MYMX: variants seen among roughly 807,000 people sequenced by gnomAD.
MYMX encodes protein myomixer.
At chr6:44,217,119 G>A (rs1775918134) in intron 1 of MYMX, 151 bp downstream of exon 1, 1 of 237,328 alleles carries the variant, frequency 4.2e-6, no homozygotes, top group Non-Finnish European at 8.1e-6. Flanking sequence ...GAACTCCAGG[G>A]GCATTGAGGC....
the MYMX span, among the ~76,000 whole-genome samples, chr6:44,206,583 C>T: frequency 6.6e-6 from 1 of 152,170 alleles, no homozygotes; most frequent in Non-Finnish European, 1.5e-5. Flanking sequence ...TTTGTGTGTT[C>T]TTGTGTAGCA....
the MYMX span, among the ~76,000 whole-genome samples, chr6:44,205,795 C>A: frequency 1.3e-5 from 2 of 149,726 alleles, no homozygotes; most frequent in East Asian, 3.9e-4. Context: ...GGCAACAGAG[C>A]AAGACTTCTT....
chr6:44,205,621 C>T, the MYMX span, among the ~76,000 whole-genome samples: 1 of 152,014 alleles, frequency 6.6e-6, no homozygotes, highest in Non-Finnish European at 1.5e-5. Flanking sequence ...CCAGCCTGAC[C>T]AACATGGTGA....
At chr6:44,192,869 TG>T in the MYMX span, among the ~76,000 whole-genome samples, 2 of 152,228 alleles carry the variant, frequency 1.3e-5, no homozygotes, top group Non-Finnish European at 2.9e-5. Flanking sequence ...AGAGCAGGAC[TG>T]TCTTTTTCTC....
At chr6:44,214,237 C>T (rs550582384), upstream of MYMX, among the ~76,000 whole-genome samples, 2 of 152,238 alleles carry the variant, frequency 1.3e-5, no homozygotes, top group African/African-American at 4.8e-5. Flanking sequence ...ATGGATGTTC[C>T]GATGAGGGAA....
At chr6:44,208,510 C>G in the MYMX span, among the ~76,000 whole-genome samples, 1 of 152,154 alleles carries the variant, frequency 6.6e-6, no homozygotes, top group Non-Finnish European at 1.5e-5. Context: ...GAAGATCTCT[C>G]GGATCTCTAG....
the MYMX span, among the ~76,000 whole-genome samples, chr6:44,205,855 C>T: frequency 1.3e-5 from 2 of 151,378 alleles, no homozygotes; most frequent in African/African-American, 4.9e-5. Flanking sequence ...TGGTGCATGC[C>T]TGTAGTCTCA....
upstream of MYMX, among the ~76,000 whole-genome samples, chr6:44,214,252 T>A (rs952858691): frequency 6.6e-6 from 1 of 152,236 alleles, no homozygotes; most frequent in Non-Finnish European, 1.5e-5. Context: ...AGGGAAATCA[T>A]ACTAGTATCT....
At chr6:44,216,852 G>A (rs1561867754), upstream of MYMX, 1 of 152,566 alleles carries the variant, frequency 6.6e-6, no homozygotes, top group East Asian at 1.9e-4. Flanking sequence ...CAACCCAGGC[G>A]GACTGTAATT....
the MYMX span, among the ~76,000 whole-genome samples, chr6:44,210,526 G>A: frequency 6.6e-6 from 1 of 151,980 alleles, no homozygotes; most frequent in African/African-American, 2.4e-5. Flanking sequence ...GGCCTCAAGC[G>A]ATCTTCCTAC....
At chr6:44,212,040 A>T (rs1775615284), upstream of MYMX, among the ~76,000 whole-genome samples, 1 of 152,096 alleles carries the variant, frequency 6.6e-6, no homozygotes, top group Non-Finnish European at 1.5e-5. Flanking sequence ...TTTCCCAAGT[A>T]GCTGAGACTA....
upstream of MYMX, among the ~76,000 whole-genome samples, chr6:44,216,091 T>C (rs911269619): frequency 5.9e-5 from 9 of 152,176 alleles, no homozygotes; most frequent in Admixed American, 1.3e-4. Flanking sequence ...AGCTAGGAGA[T>C]AGACTGTGCC....
the MYMX span, chr6:44,210,028 C>G: frequency 1.4e-5 from 2 of 139,210 alleles, no homozygotes; most frequent in Non-Finnish European, 1.6e-5. Context: ...CTCACTGGAA[C>G]CTCCGCCTCC....
At chr6:44,194,358 G>A in the MYMX span, among the ~76,000 whole-genome samples, 4 of 152,232 alleles carry the variant, frequency 2.6e-5, no homozygotes, top group African/African-American at 9.6e-5. Flanking sequence ...AGCCTGGGCA[G>A]GGGCATCCAC....
At chr6:44,192,842 C>T in the MYMX span, among the ~76,000 whole-genome samples, 1 of 152,190 alleles carries the variant, frequency 6.6e-6, no homozygotes, top group Admixed American at 6.5e-5. Context: ...CCTGCCTCTC[C>T]TACTGACCAT....
the MYMX span, among the ~76,000 whole-genome samples, chr6:44,201,968 C>A: frequency 6.6e-6 from 1 of 151,398 alleles, no homozygotes; most frequent in Non-Finnish European, 1.5e-5. Flanking sequence ...GCACCTCCAG[C>A]CAACTTCACG....
At chr6:44,212,567 A>T (rs929847945), upstream of MYMX, among the ~76,000 whole-genome samples, 1 of 151,962 alleles carries the variant, frequency 6.6e-6, no homozygotes, top group Admixed American at 6.6e-5. Flanking sequence ...TGTATCCCAT[A>T]AATATAAACA....
chr6:44,207,184 G>A, the MYMX span, among the ~76,000 whole-genome samples: 16 of 151,430 alleles, frequency 1.1e-4, no homozygotes, highest in Non-Finnish European at 1.6e-4. Context: ...TTTTTGAGAC[G>A]GAGTCTCGCG....
At chr6:44,206,924 C>T in the MYMX span, among the ~76,000 whole-genome samples, 17 of 152,054 alleles carry the variant, frequency 1.1e-4, no homozygotes, top group Admixed American at 3.3e-4. Flanking sequence ...TGTCAGCTCT[C>T]GAGGTGTTTG....
Sources: gnomAD v4.1 joint callset for allele counts (sites outside exome capture counted in the v4.1 genomes callset) on GRCh38, gnomAD v4.1.1 for gene constraint, MANE v1.5 for transcripts, NCBI Gene and HGNC (gene_info 2026-07-23, HGNC 2026-07-21) for gene names.